The following GMDS variants were observed in gnomAD, a reference collection of about 807,000 sequenced individuals.
The protein encoded by GMDS is GDP-mannose 4,6 dehydratase.
Under a neutral mutation model 49.9 loss-of-function variants are expected in GMDS, and 20 were observed. The ratio of observed to expected loss-of-function variants is 0.40; its 90% CI spans 0.28 to 0.58. The LOEUF is 0.58. Ranked by LOEUF, GMDS falls within the 20% of genes least tolerant of loss-of-function variation. The pLI, the probability that GMDS is intolerant of heterozygous loss-of-function variation, is 0.42. For missense variants in GMDS, 362 were observed against 481.4 expected, an observed-to-expected ratio of 0.75 and a Z score of 2.32; for synonymous variants, 177 against 178.6, an observed-to-expected ratio of 0.99 and a Z score of 0.07.
intron 8 of GMDS, among the ~76,000 whole-genome samples, chr6:1,737,800 CACACACAT>C (rs1175164972): frequency 4.4e-5 from 6 of 137,296 alleles, no homozygotes; most frequent in African/African-American, 1.7e-4. Flanking sequence ...CACATACATA[CACACACAT>C]ACACACACAC....
chr6:2,131,919 T>A (rs1775760667), intron 1 of GMDS, among the ~76,000 whole-genome samples: 1 of 151,680 alleles, frequency 6.6e-6, no homozygotes, highest in South Asian at 2.1e-4. Flanking sequence ...GAAAAAAAAA[T>A]CTTCATATGG....
At chr6:1,934,195 C>T (rs948096311) in intron 6 of GMDS, among the ~76,000 whole-genome samples, 1 of 152,138 alleles carries the variant, frequency 6.6e-6, no homozygotes, top group African/African-American at 2.4e-5. Context: ...ATGTGGGAGA[C>T]AATTTCTGAC....
intron 1 of GMDS, among the ~76,000 whole-genome samples, chr6:2,162,659 AACACACAC>A (rs67198377): frequency 0.013 from 1,811 of 135,812 alleles, 22 homozygotes; most frequent in East Asian, 0.039. Flanking sequence ...ATAACATTCC[AACACACAC>A]ACACACACAC....
At chr6:1,745,365 GGTC>G (rs1767445892) in intron 7 of GMDS, among the ~76,000 whole-genome samples, 1 of 128,744 alleles carries the variant, frequency 7.8e-6, no homozygotes, top group Non-Finnish European at 1.7e-5. Context: ...GCTACTGGTG[GGTC>G]ACTTGGAGAA....
At chr6:1,783,330 C>A (rs6934835) in intron 7 of GMDS, among the ~76,000 whole-genome samples, 4,784 of 152,266 alleles carry the variant, frequency 0.031, 276 homozygotes, top group African/African-American at 0.11. Flanking sequence ...TGAGGTTCCA[C>A]GGGGTGCAGG....
At chr6:2,199,966 A>G (rs1169528334) in intron 1 of GMDS, among the ~76,000 whole-genome samples, 1 of 152,258 alleles carries the variant, frequency 6.6e-6, no homozygotes, top group Non-Finnish European at 1.5e-5. Context: ...GCTATTCCAT[A>G]CCATAGCAAA....
At chr6:2,035,038 C>T (rs1206239932) in intron 4 of GMDS, among the ~76,000 whole-genome samples, 2 of 152,090 alleles carry the variant, frequency 1.3e-5, no homozygotes, top group African/African-American at 2.4e-5. Flanking sequence ...AGCCTTCTTA[C>T]CACATAAGAA....
At chr6:1,670,172 C>T (rs1252375586) in intron 9 of GMDS, among the ~76,000 whole-genome samples, 1 of 152,146 alleles carries the variant, frequency 6.6e-6, no homozygotes, top group Non-Finnish European at 1.5e-5. Context: ...CTCCCTGTGG[C>T]ACCAGCAGCT....
chr6:1,827,504 C>G (rs998054507), intron 7 of GMDS, among the ~76,000 whole-genome samples: 2 of 151,558 alleles, frequency 1.3e-5, no homozygotes, highest in Non-Finnish European at 2.9e-5. Flanking sequence ...TATATACACA[C>G]GTTTTGGAAA....
At chr6:1,819,624 G>T (rs896007015) in intron 7 of GMDS, among the ~76,000 whole-genome samples, 2 of 151,834 alleles carry the variant, frequency 1.3e-5, no homozygotes, top group Non-Finnish European at 2.9e-5. Flanking sequence ...AGCCAGGCGT[G>T]GGGGCAGGCG....
chr6:1,729,062 C>T (rs757557460), intron 8 of GMDS, among the ~76,000 whole-genome samples: 8 of 152,070 alleles, frequency 5.3e-5, no homozygotes, highest in South Asian at 2.1e-4. Context: ...TTAATGGTAT[C>T]GCCTCACCCT....
intron 1 of GMDS, among the ~76,000 whole-genome samples, chr6:2,224,578 T>C (rs1367562587): frequency 6.6e-6 from 1 of 152,210 alleles, no homozygotes; most frequent in African/African-American, 2.4e-5. Flanking sequence ...ATTTTATAGT[T>C]ATAGGAGCGA....
chr6:2,149,385 C>T lies in GMDS; in HGVS notation c.103-24654G>A, dbSNP rs548422122. 9.7e-4 allele frequency among the ~76,000 whole-genome samples: 147 copies of T among 152,312 alleles called. No homozygotes were observed. The Middle Eastern group carries it at 0.01, about 11-fold the overall frequency. On this transcript the variant is annotated intron_variant, in intron 1 of 10. Transcript: ENST00000380815. ...GCATCACTTACATGTGTGTTTCCTT[C>T]TGTCTGGAAATCCTGGGTGGACAAT...
At chr6:1,712,446 T>G (rs574980803) in intron 9 of GMDS, among the ~76,000 whole-genome samples, 1 of 152,362 alleles carries the variant, frequency 6.6e-6, no homozygotes, top group East Asian at 1.9e-4. Flanking sequence ...GACTGAAGTG[T>G]TTTTTCTTAT....
At chr6:1,926,522 T>G (rs1371815038) in intron 7 of GMDS, among the ~76,000 whole-genome samples, 1 of 152,270 alleles carries the variant, frequency 6.6e-6, no homozygotes, top group Non-Finnish European at 1.5e-5. Context: ...GATGGTATTA[T>G]GACTTGTTTG....
chr6:2,014,903 C>G lies in GMDS; in HGVS notation c.346-53937G>C, dbSNP rs1289757833. 2.0e-5 allele frequency among the ~76,000 whole-genome samples: 3 copies of G among 151,864 alleles called. No homozygotes were observed. The East Asian group carries it at 5.8e-4, about 29-fold the overall frequency. ...AAGTGTATATCATGCCAACACTAAT[C>G]AAAAGAAAGTTATAATAGGTATATT... On this transcript the variant is annotated intron_variant, in intron 4 of 10. Transcript: ENST00000380815.
chr6:1,698,043 C>T (rs564090522), intron 9 of GMDS, among the ~76,000 whole-genome samples: 4 of 152,250 alleles, frequency 2.6e-5, no homozygotes, highest in South Asian at 4.1e-4. Context: ...TGAATGCTAG[C>T]TATGTATATG....
intron 4 of GMDS, among the ~76,000 whole-genome samples, chr6:2,084,570 G>A (rs1054042545): frequency 1.4e-4 from 22 of 151,978 alleles, no homozygotes; most frequent in African/African-American, 5.1e-4. Flanking sequence ...GCAGTGGCGC[G>A]ATCTTGACTC....
At chr6:1,733,274 G>A (rs899573155) in intron 8 of GMDS, among the ~76,000 whole-genome samples, 2 of 152,248 alleles carry the variant, frequency 1.3e-5, no homozygotes, top group African/African-American at 4.8e-5. Flanking sequence ...AGGGAGGAGG[G>A]CGGTCAGCAC....
Sources: allele counts gnomAD v4.1 joint callset (sites outside exome capture counted in the v4.1 genomes callset), GRCh38; gene constraint gnomAD v4.1.1; transcripts MANE v1.5; gene names NCBI Gene and HGNC (gene_info 2026-07-23, HGNC 2026-07-21).